The following EYS variants were observed in gnomAD, a reference collection of about 807,000 sequenced individuals.
EYS encodes EGF-like photoreceptor maintenance factor.
A neutral mutation model predicts 282.1 loss-of-function variants in EYS; 250 were observed. The ratio of observed to expected loss-of-function variants is 0.89; its 90% CI spans 0.80 to 0.98. EYS has a LOEUF of 0.98. Ranked by LOEUF, EYS falls within the 50% of genes least tolerant of loss-of-function variation. The probability of loss-of-function intolerance (pLI) is 0.00; values close to 1 mark genes in which losing one functional copy is unlikely to be tolerated. For missense variants in EYS, 4,016 were observed against 3,709.0 expected (o/e 1.08, Z -2.15); for synonymous variants, 1,355 against 1,282.9 (o/e 1.06, Z -1.20).
intron 35 of EYS, among the ~76,000 whole-genome samples, chr6:63,964,965 C>T (rs916056410): frequency 5.3e-5 from 8 of 152,208 alleles, no homozygotes; most frequent in African/African-American, 1.9e-4. Flanking sequence ...ATACTTTGCA[C>T]ATTTGCTTAG....
intron 41 of EYS, among the ~76,000 whole-genome samples, chr6:63,741,036 A>T (rs1280013130): frequency 6.6e-6 from 1 of 152,210 alleles, no homozygotes; most frequent in Non-Finnish European, 1.5e-5. Context: ...GTTAATTAAG[A>T]ATAAAACGCC....
At chr6:64,760,482 T>A (rs1195524408) in intron 22 of EYS, among the ~76,000 whole-genome samples, 1 of 152,092 alleles carries the variant, frequency 6.6e-6, no homozygotes, top group African/African-American at 2.4e-5. Flanking sequence ...CAAGCTAGGT[T>A]AAGGCAGAAA....
At chr6:64,726,447 T>C (rs1047030866) in intron 22 of EYS, among the ~76,000 whole-genome samples, 1 of 152,168 alleles carries the variant, frequency 6.6e-6, no homozygotes, top group Admixed American at 6.5e-5. Flanking sequence ...TCTATGTATC[T>C]TATTTAAATA....
chr6:65,059,318 G>T (rs1773504016), intron 12 of EYS, among the ~76,000 whole-genome samples: 1 of 152,070 alleles, frequency 6.6e-6, no homozygotes. Context: ...TGACTCCATT[G>T]TAACAATGGT....
At chr6:65,375,210 C>A (rs1318666819) in intron 8 of EYS, among the ~76,000 whole-genome samples, 1 of 152,204 alleles carries the variant, frequency 6.6e-6, no homozygotes, top group Non-Finnish European at 1.5e-5. Context: ...CTTTTCTGTT[C>A]TTCAGCCTCT....
At chr6:65,684,881 C>T (rs1768957560) in intron 1 of EYS, among the ~76,000 whole-genome samples, 1 of 151,856 alleles carries the variant, frequency 6.6e-6, no homozygotes, top group Admixed American at 6.6e-5. Context: ...CTTCAACCTC[C>T]TCCCACCTCC....
intron 30 of EYS, among the ~76,000 whole-genome samples, chr6:64,232,483 G>C (rs545874306): frequency 6.6e-5 from 10 of 152,050 alleles, no homozygotes; most frequent in Admixed American, 2.0e-4. Context: ...TCCACCTCCC[G>C]GGTTCAAGCA....
chr6:65,347,270 C>T (rs1770434802), intron 9 of EYS, among the ~76,000 whole-genome samples: 1 of 151,584 alleles, frequency 6.6e-6, no homozygotes. Context: ...AGCATTTTCC[C>T]CACATATTTA....
intron 19 of EYS, among the ~76,000 whole-genome samples, chr6:64,844,352 T>C (rs1176333504): frequency 1.3e-5 from 2 of 150,390 alleles, no homozygotes; most frequent in Non-Finnish European, 3.0e-5. Flanking sequence ...GTTTTTATGC[T>C]GTTGGGTTTT....
intron 19 of EYS, among the ~76,000 whole-genome samples, chr6:64,882,026 G>A (rs969318707): frequency 2.0e-5 from 3 of 151,746 alleles, no homozygotes; most frequent in Non-Finnish European, 4.4e-5. Context: ...ATGGATTTGC[G>A]AGTTCTAAGT....
chr6:64,983,597 AT>A (rs913395799), intron 14 of EYS, among the ~76,000 whole-genome samples: 3 of 151,352 alleles, frequency 2.0e-5, no homozygotes, highest in African/African-American at 7.3e-5. Context: ...GGATACTATT[AT>A]AAAGCCCATT....
chr6:64,035,569 T>A (rs888796057), intron 33 of EYS, among the ~76,000 whole-genome samples: 3 of 152,174 alleles, frequency 2.0e-5, no homozygotes. Flanking sequence ...GAAGAAGTAA[T>A]ACACTTTCTA....
chr6:64,982,578 GCTGA>G lies in EYS; in HGVS notation c.2259+15000_2259+15003del, dbSNP rs745918814. ...GAAGTTTGAAAAGTGTTGGCAGAAG[GCTGA>G]CTAAATAGGGACATAGAATCAATTG... On this transcript the variant is annotated intron_variant, in intron 14 of 42. Transcript: ENST00000503581. Among the ~76,000 whole-genome samples, 5 of 151,128 alleles carry G rather than the reference GCTGA, an allele frequency of 3.3e-5. No homozygotes were observed. In the South Asian group the frequency reaches 6.2e-4, roughly 19 times the overall value.
intron 35 of EYS, among the ~76,000 whole-genome samples, chr6:63,870,859 G>T (rs143167648): frequency 3.3e-5 from 5 of 152,154 alleles, no homozygotes; most frequent in Admixed American, 3.3e-4. Flanking sequence ...GAAGTTAGGT[G>T]CACAGTTGTA....
At chr6:64,512,887 G>A (rs1164319327) in intron 26 of EYS, among the ~76,000 whole-genome samples, 1 of 151,572 alleles carries the variant, frequency 6.6e-6, no homozygotes, top group Non-Finnish European at 1.5e-5. Flanking sequence ...TCTGTTTTAT[G>A]TACTCTCCAT....
intron 26 of EYS, among the ~76,000 whole-genome samples, chr6:64,483,113 A>G (rs1418861021): frequency 1.3e-5 from 2 of 151,634 alleles, no homozygotes; most frequent in Non-Finnish European, 3.0e-5. Flanking sequence ...GATAGTAAAT[A>G]TTTCAGGCTT....
chr6:64,502,931 T>A (rs576587985), intron 26 of EYS, among the ~76,000 whole-genome samples: 1 of 152,352 alleles, frequency 6.6e-6, no homozygotes, highest in Admixed American at 6.5e-5. Context: ...TGAGCTATTT[T>A]AGCCCCTTAT....
intron 22 of EYS, among the ~76,000 whole-genome samples, chr6:64,795,015 A>T (rs914019885): frequency 2.0e-5 from 3 of 152,082 alleles, no homozygotes; most frequent in Non-Finnish European, 4.4e-5. Context: ...CAGGTGGATT[A>T]CCTGAGGTCA....
At chr6:65,408,062 CT>C (rs1766830123) in intron 5 of EYS, among the ~76,000 whole-genome samples, 1 of 151,754 alleles carries the variant, frequency 6.6e-6, no homozygotes, top group Admixed American at 6.6e-5. Context: ...AGGCTTTGTC[CT>C]TTATTATATT....
Sources: allele counts gnomAD v4.1 joint callset (sites outside exome capture counted in the v4.1 genomes callset), GRCh38; gene constraint gnomAD v4.1.1; transcripts MANE v1.5; gene names NCBI Gene and HGNC (gene_info 2026-07-23, HGNC 2026-07-21).